Variants in NECTIN2 observed in about 807,000 individuals in gnomAD.
The protein encoded by NECTIN2 is nectin-2.
A neutral mutation model predicts 56.9 loss-of-function variants in NECTIN2; 23 were observed. The observed-to-expected ratio is 0.40, with a 90% CI of 0.29 to 0.57. The LOEUF is 0.57. NECTIN2 is among the 20% of genes least tolerant of loss of function. The pLI, the probability that NECTIN2 is intolerant of heterozygous loss-of-function variation, is 0.38. For synonymous variants in NECTIN2, 302 were observed against 313.8 expected (o/e 0.96, Z 0.40); for missense variants, 587 against 718.3 (o/e 0.82, Z 2.09).
rs563116492 is a variant in NECTIN2, at chr19:44,846,414, CCCGGAG to C, written c.-97_-92del. On this transcript the variant is annotated 5_prime_UTR_variant, in exon 1 of 9. Transcript: ENST00000252483. ...GAGGCTAGAGCGCAGCGGGAACCGG[CCCGGAG>C]CCGGAGCCGGAGCCCCACAGGCACC... 6.5e-4 allele frequency: 854 copies of C among 1,311,282 alleles called. 7 individuals are homozygous for C. In the African/African-American group the frequency reaches 0.013, roughly 20 times the overall value. 81.2% of individuals were successfully genotyped at this position (1,311,282 alleles called of 1,614,324 possible).
rs780101207 is a variant in NECTIN2 at position 44,873,898 on chromosome 19, T to C, written c.776-18T>C. 2.5e-5 allele frequency: 40 copies of C among 1,572,892 alleles called. No homozygotes were observed. The highest frequency in any genetic ancestry group is 3.3e-5 in the Non-Finnish European group (38 of 1,143,704). On this transcript the variant is annotated intron_variant, in intron 3 of 8. Transcript: ENST00000252483. ...GGGATTCTCCTCCTTGCTGATCCAG[T>C]CCCCCCATTTCCCCCAGACCCTCCT...
rs79701229 is a variant in NECTIN2 at position 44,881,674 on chromosome 19, G to A, written c.1043-537G>A. Among the ~76,000 whole-genome samples, 932 of 152,172 alleles carry A rather than the reference G, an allele frequency of 6.1e-3. 5 individuals carry two copies. Among genetic ancestry groups the A allele is most frequent in the Non-Finnish European group, 0.01 (713 of 68,000 alleles). Reference sequence around the variant, plus strand: ...TGCACTCTAGCCTGGGTGACAAAGCGAGACCGTCTCAAAAAAAACCATAGA... The same window carrying A: ...TGCACTCTAGCCTGGGTGACAAAGCAAGACCGTCTCAAAAAAAACCATAGA... On this transcript the variant is annotated intron_variant, in intron 5 of 8. Transcript: ENST00000252483.
In NECTIN2 at chr19:44,846,378, A is replaced by C. The variant is rs1028617207; in HGVS notation, c.-148A>C. 527 of 1,011,802 alleles carry C rather than the reference A, an allele frequency of 5.2e-4. 8 individuals carry two copies. The East Asian group carries it at 0.017, about 33-fold the overall frequency. 62.7% of individuals were successfully genotyped at this position (1,011,802 alleles called of 1,614,324 possible). ...CGGGCGGGGAGAGCTGGGCCGGGAG[A>C]GCAGAACAGGGAGGCTAGAGCGCAG... On this transcript the variant is annotated 5_prime_UTR_variant, in exon 1 of 9. Transcript: ENST00000252483.
rs147165324 is a variant in NECTIN2, at chr19:44,854,770, G to A, written c.88+8157G>A. On this transcript the variant is annotated intron_variant, in intron 1 of 8. Transcript: ENST00000252483. ...GGAGGCTGTAGTGAGCCCAGATTGC[G>A]CCACTGCACTCCAGCCCGGGCAACA... Among the ~76,000 whole-genome samples, 878 of 151,994 alleles carry A rather than the reference G, an allele frequency of 5.8e-3. 10 individuals are homozygous for A. The highest frequency in any genetic ancestry group is 0.02 in the African/African-American group (834 of 41,460).
rs991044686 is a variant in NECTIN2 at position 44,875,213 on chromosome 19, T to C, written c.1042+735T>C. Among the ~76,000 whole-genome samples, 2 of 151,436 alleles carry C rather than the reference T, an allele frequency of 1.3e-5. No homozygotes were observed. Among genetic ancestry groups the C allele is most frequent in the Non-Finnish European group, 2.9e-5 (2 of 67,972 alleles). On this transcript the variant is annotated intron_variant, in intron 5 of 8. Coordinates refer to ENST00000252483, the MANE Select transcript of NECTIN2 (RefSeq NM_001042724.2). The surrounding 1 kb of genome is among the most constrained non-coding windows in gnomAD (Gnocchi z 4.2). ...CCAAGACACACACCCAGGAGGACAG[T>C]GGCACCAGCCAAGATAGACTGAACG...
rs375920298 is a variant in NECTIN2 at position 44,856,194 on chromosome 19, G to T, written c.89-9077G>T. 3.7e-3 allele frequency among the ~76,000 whole-genome samples: 564 copies of T among 152,248 alleles called. 3 individuals carry two copies. The highest frequency in any genetic ancestry group is 4.5e-3 in the Non-Finnish European group (307 of 68,022). ...CATATGCCTGTAATCCCAGCTACTC[G>T]GGAGGTTGAGGCAGAATTGCTTGAA... On this transcript the variant is annotated intron_variant, in intron 1 of 8. Coordinates refer to ENST00000252483, the MANE Select transcript of NECTIN2 (RefSeq NM_001042724.2).
rs940068543 is a variant in NECTIN2, at chr19:44,846,411, C to A, written c.-115C>A. The A allele has an allele frequency of 3.9e-6, 5 of 1,295,182 alleles. No individual in the cohort carries two copies. Among genetic ancestry groups the A allele is most frequent in the Non-Finnish European group, 5.0e-6 (5 of 1,003,310 alleles). The allele number at this position is 1,295,182 out of a possible 1,614,324, so 80.2% of individuals were successfully genotyped here. A position where few individuals can be genotyped will look rare whatever the true frequency, so the allele number is the denominator to read the frequency against. On this transcript the variant is annotated 5_prime_UTR_variant, in exon 1 of 9. Transcript: ENST00000252483. The stretch of plus-strand genomic sequence containing the variant: ...AGGGAGGCTAGAGCGCAGCGGGAAC[C>A]GGCCCGGAGCCGGAGCCGGAGCCCC...
chr19:44,881,433 T>C (rs1262205637), intron 5 of NECTIN2, among the ~76,000 whole-genome samples: 2 of 151,548 alleles, frequency 1.3e-5, no homozygotes, highest in South Asian at 2.1e-4. Context: ...TCCCAGAACG[T>C]TGGGAGGCCG....
chr19:44,886,195 T>C lies in NECTIN2; in HGVS notation c.1323T>C (p.Asp441=), dbSNP rs1406863249. 3 of 1,612,220 alleles carry C rather than the reference T, an allele frequency of 1.9e-6. No individual in the cohort carries two copies. Among genetic ancestry groups the C allele is most frequent in the Non-Finnish European group, 2.5e-6 (3 of 1,179,732 alleles). The part of the protein sequence containing the change: ...EHSPLKTPYF[D]AGASCTEQEM... ...GCCCACTCAAGACCCCCTACTTTGA[T>C]GCTGGCGCCTCATGCACTGAGCAGG... The change falls in exon 8 of 9, where the codon GAT becomes GAC. Residue 441 remains aspartate, a synonymous_variant. Coordinates refer to ENST00000252483, the MANE Select transcript of NECTIN2 (RefSeq NM_001042724.2).
At chr19:44,852,339 G>A (rs528730480) in intron 1 of NECTIN2, among the ~76,000 whole-genome samples, 2 of 152,020 alleles carry the variant, frequency 1.3e-5, no homozygotes, top group South Asian at 2.1e-4. Flanking sequence ...TAGTAGAGAC[G>A]GGCTCTCACC....
At position 44,888,384 on chromosome 19, in the gene NECTIN2, C is replaced by T; in HGVS notation, c.*5C>T. 1 of 1,606,280 alleles carries T rather than the reference C, an allele frequency of 6.2e-7. No homozygotes were observed. Among genetic ancestry groups the T allele is most frequent in the Non-Finnish European group, 8.5e-7 (1 of 1,173,620 alleles). ...TCCCGGGCCATGTATGTGTGAGCTG[C>T]CATGCGCCTGGCGTCTCACATCTCA... is the stretch of plus-strand genomic sequence containing the variant. On this transcript the variant is annotated 3_prime_UTR_variant, in exon 9 of 9. Coordinates refer to ENST00000252483, the MANE Select transcript of NECTIN2 (RefSeq NM_001042724.2).
intron 5 of NECTIN2, among the ~76,000 whole-genome samples, chr19:44,876,474 A>G (rs568607768): frequency 6.6e-6 from 1 of 152,234 alleles, no homozygotes; most frequent in Admixed American, 6.5e-5. Flanking sequence ...CACCATTACA[A>G]AGACACGTGC....
At chr19:44,884,354 C>G (rs945341392) in intron 6 of NECTIN2, among the ~76,000 whole-genome samples, 1 of 151,992 alleles carries the variant, frequency 6.6e-6, no homozygotes, top group Non-Finnish European at 1.5e-5. Flanking sequence ...AGGGTTTTGC[C>G]ATGTTGCCCA....
chr19:44,878,177 T>C, intron 5 of NECTIN2: 1 of 628,750 alleles, frequency 1.6e-6, no homozygotes, highest in Non-Finnish European at 2.9e-6. Context: ...CGTGATCTTG[T>C]GTCTCCCTTT....
intron 1 of NECTIN2, among the ~76,000 whole-genome samples, chr19:44,863,224 C>T (rs1033527803): frequency 6.6e-6 from 1 of 151,928 alleles, no homozygotes; most frequent in Non-Finnish European, 1.5e-5. Flanking sequence ...AATCCCAGCA[C>T]TTTGGGAGGC....
intron 1 of NECTIN2, among the ~76,000 whole-genome samples, chr19:44,855,774 C>CTACT (rs1292948864): frequency 1.3e-5 from 2 of 152,184 alleles, no homozygotes; most frequent in Non-Finnish European, 2.9e-5. Context: ...TACTGAGCAC[C>CTACT]TACTACATGC....
In NECTIN2 at chr19:44,873,939, G is replaced by T; in HGVS notation, c.799G>T (p.Gly267Cys). 1 of 1,613,972 alleles carries T rather than the reference G, an allele frequency of 6.2e-7. No homozygotes were observed. Among genetic ancestry groups the T allele is most frequent in the Non-Finnish European group, 8.5e-7 (1 of 1,179,906 alleles). Residue 267 changes from glycine (G) to cysteine (C), a missense_variant, in exon 4 of 9, where the codon GGC becomes TGC. Coordinates refer to ENST00000252483, the MANE Select transcript of NECTIN2 (RefSeq NM_001042724.2). ...VRYPPEVSIS[G>C]YDDNWYLGRT... ...AGACCCTCCTGAAGTGTCCATCTCC[G>T]GCTATGATGACAACTGGTACCTCGG...
At chr19:44,858,010 A>G (rs1041188269) in intron 1 of NECTIN2, among the ~76,000 whole-genome samples, 4 of 152,232 alleles carry the variant, frequency 2.6e-5, no homozygotes, top group Non-Finnish European at 4.4e-5. Flanking sequence ...TCCAGGAACA[A>G]GAAGCTAATG....
intron 1 of NECTIN2, among the ~76,000 whole-genome samples, chr19:44,862,788 G>A (rs1969048398): frequency 6.6e-6 from 1 of 152,036 alleles, no homozygotes. Flanking sequence ...GCCGACACGG[G>A]TGGATCACGA....
Sources: gnomAD v4.1 joint callset for allele counts (sites outside exome capture counted in the v4.1 genomes callset) on GRCh38, gnomAD v4.1.1 for gene constraint, Gnocchi (gnomAD v3.1) non-coding constraint, MANE v1.5 for transcripts, NCBI Gene and HGNC (gene_info 2026-07-23, HGNC 2026-07-21) for gene names.